The following BDP1 variants were observed in gnomAD, a reference collection of about 807,000 sequenced individuals.
BDP1 encodes transcription factor TFIIIB component B'' homolog.
BDP1 carries 169 observed loss-of-function variants against 266.6 expected under a neutral mutation model. That is an observed-to-expected ratio of 0.63 (90% confidence interval 0.56 to 0.72). The LOEUF (loss-of-function observed/expected upper bound fraction) is 0.72, where lower values mean the gene tolerates loss of function less well. BDP1 is among the 30% of genes least tolerant of loss of function. The probability of loss-of-function intolerance (pLI) is 0.00; values close to 1 mark genes in which losing one functional copy is unlikely to be tolerated. For synonymous variants in BDP1, 1,090 were observed against 1,022.4 expected, an observed-to-expected ratio of 1.07 and a Z score of -1.26; for missense variants, 3,015 against 3,053.8, an observed-to-expected ratio of 0.99 and a Z score of 0.30.
At chr5:71,508,055 C>A (rs953422042) in intron 16 of BDP1, among the ~76,000 whole-genome samples, 13 of 149,618 alleles carry the variant, frequency 8.7e-5, no homozygotes, top group Admixed American at 6.7e-5. Flanking sequence ...ACCTCCGCCC[C>A]CTGGGTTCCA....
intron 16 of BDP1, among the ~76,000 whole-genome samples, chr5:71,506,823 A>ACACACAC (rs377599570): frequency 6.1e-4 from 87 of 141,802 alleles, no homozygotes; most frequent in African/African-American, 2.1e-3. Flanking sequence ...ACACACACAC[A>ACACACAC]CCCATATTTT....
At position 71,463,949 on chromosome 5, in the gene BDP1, T is replaced by C. The variant is rs1402025765; in HGVS notation, c.600-109T>C. 13 of 652,824 alleles carry C rather than the reference T, an allele frequency of 2.0e-5. No individual in the cohort carries two copies. The East Asian group carries it at 3.5e-4, about 17-fold the overall frequency. 40.4% of individuals were successfully genotyped at this position (652,824 alleles called of 1,614,324 possible). On this transcript the variant is annotated intron_variant, in intron 3 of 38. Transcript: ENST00000358731. The stretch of plus-strand genomic sequence containing the variant: ...TACTGTCATTAACGAAATGCTGTGA[T>C]ATATCATTAAAAATTAGAAGTTAGA...
At chr5:71,506,386 C>T (rs1764576066) in intron 16 of BDP1, among the ~76,000 whole-genome samples, 1 of 152,162 alleles carries the variant, frequency 6.6e-6, no homozygotes, top group Admixed American at 6.5e-5. Context: ...CTATGTCTAA[C>T]AGAAAGTTTT....
rs571425850 is a variant in BDP1, at chr5:71,501,816, C to T, written c.2048+163C>T. 3.9e-5 allele frequency among the ~76,000 whole-genome samples: 6 copies of T among 152,048 alleles called. No individual in the cohort carries two copies. In the South Asian group the frequency reaches 1.0e-3, roughly 26 times the overall value. ...GTGGTTTTGAAACATTCATAATACT[C>T]TCTCTGCTTGATATTGCTTATATAA... On this transcript the variant is annotated intron_variant, in intron 14 of 38. Coordinates refer to ENST00000358731, the MANE Select transcript of BDP1 (RefSeq NM_018429.3).
At chr5:71,526,515 C>G (rs1413444438) in intron 25 of BDP1, among the ~76,000 whole-genome samples, 1 of 146,128 alleles carries the variant, frequency 6.8e-6, no homozygotes, top group African/African-American at 2.5e-5. Flanking sequence ...ACTGGGGAAG[C>G]TGAGACAGGA....
chr5:71,541,886 A>G (rs1232972651), intron 29 of BDP1, among the ~76,000 whole-genome samples: 7 of 152,206 alleles, frequency 4.6e-5, no homozygotes, highest in Non-Finnish European at 1.5e-5. Flanking sequence ...AATGAAATAG[A>G]TTTATGTAAA....
intron 35 of BDP1, among the ~76,000 whole-genome samples, chr5:71,553,555 T>C (rs1743004017): frequency 6.6e-6 from 1 of 152,180 alleles, no homozygotes; most frequent in East Asian, 1.9e-4. Context: ...CCCAGCTCTG[T>C]ATTGGTGGCT....
At chr5:71,498,725 CTT>C (rs901220175) in intron 13 of BDP1, among the ~76,000 whole-genome samples, 104 of 122,004 alleles carry the variant, frequency 8.5e-4, no homozygotes, top group Admixed American at 1.4e-3. Flanking sequence ...CGCCTGCCGT[CTT>C]TTTTTTTTTT....
At chr5:71,572,110 G>A (rs1303178336), downstream of BDP1, among the ~76,000 whole-genome samples, 1 of 152,158 alleles carries the variant, frequency 6.6e-6, no homozygotes, top group Non-Finnish European at 1.5e-5. Context: ...TTCGAGGAAT[G>A]CAGTCTTGCA....
rs759754248 is a variant in BDP1 at position 71,504,734 on chromosome 5, T to C, written c.2355T>C (p.Val785=). The part of the protein sequence containing the change: ...FQNVQPDEPK[V]LNECLSVQEN... The stretch of plus-strand genomic sequence containing the variant: ...ATGTGCAGCCAGATGAGCCCAAGGT[T>C]CTTAATGAATGTCTAAGGTAAGCAT... Residue 785 remains valine, a synonymous_variant, in exon 16 of 39, where the codon GTT becomes GTC. Transcript: ENST00000358731. The C allele has an allele frequency of 2.0e-5, 33 of 1,613,302 alleles. No individual in the cohort carries two copies. Among genetic ancestry groups the C allele is most frequent in the Non-Finnish European group, 2.8e-5 (33 of 1,179,770 alleles).
intron 35 of BDP1, among the ~76,000 whole-genome samples, chr5:71,555,442 C>CT (rs780342284): frequency 1.5e-3 from 214 of 139,664 alleles, no homozygotes; most frequent in South Asian, 2.0e-3. Context: ...TTTCTTTATT[C>CT]TTTTTTTTTT....
intron 7 of BDP1, among the ~76,000 whole-genome samples, chr5:71,482,559 G>C (rs544520317): frequency 1.3e-5 from 2 of 152,250 alleles, no homozygotes; most frequent in Non-Finnish European, 1.5e-5. Context: ...AATTTGGCCT[G>C]TTACTGGTTC....
At chr5:71,524,540 C>G (rs186009175) in intron 25 of BDP1, among the ~76,000 whole-genome samples, 1 of 151,716 alleles carries the variant, frequency 6.6e-6, no homozygotes, top group Non-Finnish European at 1.5e-5. Context: ...AGTGTAACAA[C>G]GAGAGAAATC....
At chr5:71,506,075 A>G (rs1337243728) in intron 16 of BDP1, among the ~76,000 whole-genome samples, 1 of 152,166 alleles carries the variant, frequency 6.6e-6, no homozygotes, top group African/African-American at 2.4e-5. Flanking sequence ...CTTGCTGCAT[A>G]TCTCTGATAT....
downstream of BDP1, among the ~76,000 whole-genome samples, chr5:71,569,746 A>G (rs1037856998): frequency 3.3e-5 from 5 of 152,288 alleles, no homozygotes; most frequent in African/African-American, 1.2e-4. Context: ...CCCTGTCTCA[A>G]AATAATTAGA....
intron 25 of BDP1, among the ~76,000 whole-genome samples, chr5:71,524,621 T>TA (rs1765679402): frequency 6.8e-6 from 1 of 146,694 alleles, no homozygotes; most frequent in Non-Finnish European, 1.5e-5. Context: ...ATTTTTTATT[T>TA]TTTATTTATT....
chr5:71,473,843 C>CA (rs1335046895), intron 7 of BDP1, among the ~76,000 whole-genome samples: 1 of 144,958 alleles, frequency 6.9e-6, no homozygotes, highest in East Asian at 2.2e-4. Flanking sequence ...CCCCACCCCA[C>CA]AACAGGCCCC....
In BDP1 at chr5:71,524,181, A is replaced by C. The variant is rs376316941; in HGVS notation, c.5630A>C (p.Asp1877Ala). Reference sequence around the variant, plus strand: ...CGGGCTTCCCAGGAAGAAGATGATGATGCTGACGATTTTGAGTCTGACTAT... The same window carrying C: ...CGGGCTTCCCAGGAAGAAGATGATGCTGCTGACGATTTTGAGTCTGACTAT... ...TLRASQEEDD[D>A]ADDFESDYEE... Residue 1877 changes from aspartate to alanine, a missense_variant, in exon 25 of 39, where the codon GAT becomes GCT. Physicochemically the swap from Asp to Ala is moderately radical, Grantham distance 126. Coordinates refer to ENST00000358731, the MANE Select transcript of BDP1 (RefSeq NM_018429.3). The C allele has an allele frequency of 5.6e-5, 90 of 1,614,104 alleles. No homozygotes were observed. Among genetic ancestry groups the C allele is most frequent in the East Asian group, 1.6e-4 (7 of 44,900 alleles).
intron 28 of BDP1, among the ~76,000 whole-genome samples, chr5:71,540,298 C>T (rs115418499): frequency 0.014 from 2,177 of 151,884 alleles, 68 homozygotes; most frequent in African/African-American, 0.05. Context: ...TTATTTGAGA[C>T]GGAGTTTGGT....
Sources: allele counts gnomAD v4.1 joint callset (sites outside exome capture counted in the v4.1 genomes callset), GRCh38; gene constraint gnomAD v4.1.1; transcripts MANE v1.5; gene names NCBI Gene and HGNC (gene_info 2026-07-23, HGNC 2026-07-21).